The following HGS variants were observed in gnomAD, a reference collection of about 807,000 sequenced individuals.
The protein encoded by HGS is human growth factor-regulated tyrosine kinase substrate.
HGS carries 63 observed loss-of-function variants against 109.7 expected under a neutral mutation model. The ratio of observed to expected loss-of-function variants is 0.57; its 90% CI spans 0.47 to 0.71. The LOEUF is 0.71. HGS is among the 30% of genes least tolerant of loss of function. The probability of loss-of-function intolerance (pLI) is 0.00; values close to 1 mark genes in which losing one functional copy is unlikely to be tolerated. For missense variants in HGS, 995 were observed against 1,068.3 expected (o/e 0.93, Z 0.96); for synonymous variants, 546 against 437.3 (o/e 1.25, Z -3.10).
Position 81,696,818 on chromosome 17 carries a change from C to A in HGS, c.1708-6C>A, listed in dbSNP as rs1443842797. The A allele has an allele frequency of 6.2e-7, 1 of 1,606,224 alleles. No homozygotes were observed. Among genetic ancestry groups the A allele is most frequent in the South Asian group, 1.1e-5 (1 of 90,716 alleles). On this transcript the variant is annotated splice_region_variant and splice_polypyrimidine_tract_variant and intron_variant, in intron 17 of 21. Transcript: ENST00000329138. ...CAACTCTCACCGCTGTCTCTTTTGT[C>A]CCCAGCTCCAGGCCATGCCCGCAGC...
Position 81,701,837 on chromosome 17 carries a change from G to T in HGS, c.*219G>T. On this transcript the variant is annotated 3_prime_UTR_variant, in exon 22 of 22. Transcript: ENST00000329138. ...TTCTTTCCCCAGGGCTGGGCCATGG[G>T]GAGGGAAGGACTTTCTCCCAGGGGA... 1 of 619,012 alleles carries T rather than the reference G, an allele frequency of 1.6e-6. No homozygotes were observed. The highest frequency in any genetic ancestry group is 2.5e-6 in the Non-Finnish European group (1 of 395,054). 38.3% of individuals were successfully genotyped at this position (619,012 alleles called of 1,614,324 possible).
chr17:81,695,330 C>A, intron 14 of HGS, 107 bp downstream of exon 14: 1 of 1,237,894 alleles, frequency 8.1e-7, no homozygotes, highest in Non-Finnish European at 1.2e-6. Flanking sequence ...CGTGCTAGAG[C>A]AAGGGTGTCT....
intron 1 of HGS, 30 bp from the exon 2 acceptor site, chr17:81,685,575 C>T (rs759328583): frequency 2.2e-5 from 35 of 1,568,040 alleles, no homozygotes; most frequent in South Asian, 4.6e-5. Context: ...GCAGGATAAC[C>T]CCTCCCTTTC....
At chr17:81,694,062 A>T in intron 11 of HGS, 97 bp downstream of exon 11, 2 of 1,077,440 alleles carry the variant, frequency 1.9e-6, no homozygotes, top group Non-Finnish European at 2.6e-6. Flanking sequence ...TTGGTGGGGG[A>T]TGCGGGTCCC....
At chr17:81,686,570 G>A (rs2036982880) in intron 3 of HGS, among the ~76,000 whole-genome samples, 183 bp downstream of exon 3, 1 of 152,196 alleles carries the variant, frequency 6.6e-6, no homozygotes, top group Admixed American at 6.5e-5. Flanking sequence ...TCACGCTGAG[G>A]GAGAGACAGG....
rs541616985 is a variant in HGS at position 81,695,016 on chromosome 17, G to C, written c.1068G>C (p.Glu356Asp). The part of the protein sequence containing the change: ...PTPSAPVPLT[E>D]PAAQPGEGHA... ...CATCTGCGCCCGTGCCCCTGACGGAGCCGGCTGCACAGCCTGGGGAAGGGC... is the reference window on the plus strand; with the variant it reads ...CATCTGCGCCCGTGCCCCTGACGGACCCGGCTGCACAGCCTGGGGAAGGGC... Residue 356 changes from glutamate to aspartate, a missense_variant, in exon 13 of 22, where the codon GAG becomes GAC. Transcript: ENST00000329138. 2 of 1,614,072 alleles carry C rather than the reference G, an allele frequency of 1.2e-6. No individual in the cohort carries two copies. The highest frequency in any genetic ancestry group is 2.7e-5 in the African/African-American group (2 of 75,064).
At chr17:81,692,546 C>G (rs575841130) in intron 8 of HGS, 1 of 152,254 alleles carries the variant, frequency 6.6e-6, no homozygotes, top group African/African-American at 2.4e-5. Flanking sequence ...CAGCCACTGC[C>G]CACAAGCGTG....
chr17:81,691,901 C>T lies in HGS; in HGVS notation c.662+330C>T. On this transcript the variant is annotated intron_variant, in intron 8 of 21. Coordinates refer to ENST00000329138, the MANE Select transcript of HGS (RefSeq NM_004712.5). This position sits in a 1 kb window ranked among gnomAD's most constrained non-coding sequence, Gnocchi z 5.3. ...AAGTTGCAAGAGTAGCACAGAGAAG[C>T]TGCGGGGCCGCGGCCAGTGCCTCAG... is the stretch of plus-strand genomic sequence containing the variant. 1 of 222,608 alleles carries T rather than the reference C, an allele frequency of 4.5e-6. No homozygotes were observed. 13.8% of individuals were successfully genotyped at this position (222,608 alleles called of 1,614,324 possible).
At chr17:81,688,916 A>T in intron 5 of HGS, 89 bp downstream of exon 5, 1 of 1,539,270 alleles carries the variant, frequency 6.5e-7, no homozygotes, top group Non-Finnish European at 8.9e-7. Context: ...GGGCCTGGGA[A>T]GATGGGTTGT....
chr17:81,686,236 T>G (rs60761605), intron 2 of HGS, 76 bp from the exon 3 acceptor site: 1 of 1,247,534 alleles, frequency 8.0e-7, no homozygotes, highest in Non-Finnish European at 1.2e-6. Context: ...TGGCAGCAGA[T>G]GAGCTTTTCT....
Position 81,696,453 on chromosome 17 carries a change from G to T in HGS, c.1490G>T (p.Arg497Leu). ...LREEHREKLR[R>L]AAEEAERQRQ... ...GAAGAGCACCGGGAGAAGCTTCGCC[G>T]GGCAGCCGAGGAGGCAGAGCGCCAG... The change falls in exon 16 of 22, where the codon CGG becomes CTG. Residue 497 changes from arginine (R) to leucine (L), a missense_variant. Arg to Leu is a moderately radical substitution (Grantham distance 102, BLOSUM62 -2). Around this residue, in one of 6 missense-constraint regions of HGS, gnomAD observed 163 missense variants for 217.8 expected, o/e 0.75. Transcript: ENST00000329138. The T allele has an allele frequency of 1.3e-6, 2 of 1,543,452 alleles. No homozygotes were observed. Among genetic ancestry groups the T allele is most frequent in the Admixed American group, 2.1e-5 (1 of 48,332 alleles).
Position 81,701,742 on chromosome 17 carries a change from G to T in HGS, c.*124G>T, listed in dbSNP as rs1403585904. ...GGTAGTGTCCCTTCTCTGCGAGTGA[G>T]GGGGGGCCTTCACCCCAAGCCCACC... On this transcript the variant is annotated 3_prime_UTR_variant, in exon 22 of 22. Transcript: ENST00000329138. 13 of 1,359,784 alleles carry T rather than the reference G, an allele frequency of 9.6e-6. No individual in the cohort carries two copies. The highest frequency in any genetic ancestry group is 1.5e-5 in the South Asian group (1 of 66,092). 84.2% of individuals were successfully genotyped at this position (1,359,784 alleles called of 1,614,324 possible). A position where few individuals can be genotyped will look rare whatever the true frequency, so the allele number is the denominator to read the frequency against.
chr17:81,696,072 TC>T, intron 15 of HGS, 73 bp downstream of exon 15: 1 of 1,323,896 alleles, frequency 7.6e-7, no homozygotes, highest in Non-Finnish European at 1.0e-6. Context: ...GGCCAGGGCC[TC>T]CCCTGAGGGT....
Position 81,695,183 on chromosome 17 carries a change from A to C in HGS, c.1139A>C (p.Asp380Ala), listed in dbSNP as rs1266685159. Reference sequence around the variant, plus strand: ...TTCCAGAACCCCCTCCCGGAGACAGACTCTCAGCCCATTCCTCCCTCTGGT... The same window carrying C: ...TTCCAGAACCCCCTCCCGGAGACAGCCTCTCAGCCCATTCCTCCCTCTGGT... ...NVVENPLPET[D>A]SQPIPPSGGP... is the part of the protein sequence containing the mutation. The change falls in exon 14 of 22, where the codon GAC becomes GCC. Residue 380 changes from aspartate to alanine, a missense_variant. Around this residue, in one of 6 missense-constraint regions of HGS, gnomAD observed 300 missense variants for 235.4 expected, o/e 1.27. Coordinates refer to ENST00000329138, the MANE Select transcript of HGS (RefSeq NM_004712.5). 1.9e-6 allele frequency: 3 copies of C among 1,613,888 alleles called. No homozygotes were observed. The East Asian group carries it at 6.7e-5, about 36-fold the overall frequency.
rs559681111 is a variant in HGS, at chr17:81,694,287, C to T, written c.936+322C>T. On this transcript the variant is annotated intron_variant, in intron 11 of 21. Coordinates refer to ENST00000329138, the MANE Select transcript of HGS (RefSeq NM_004712.5). ...AAGGACTTGCTTTCTGGGGCATCCACGTCACCTCTCCCTGGCCTCAGCCCC... is the reference window on the plus strand; with the variant it reads ...AAGGACTTGCTTTCTGGGGCATCCATGTCACCTCTCCCTGGCCTCAGCCCC... Among the ~76,000 whole-genome samples the T allele has an allele frequency of 1.4e-3, 219 of 152,346 alleles. 1 individual carries two copies. The highest frequency in any genetic ancestry group is 4.3e-3 in the African/African-American group (179 of 41,588).
intron 4 of HGS, among the ~76,000 whole-genome samples, chr17:81,687,903 C>G (rs1433187908): frequency 6.6e-6 from 1 of 152,218 alleles, no homozygotes; most frequent in Non-Finnish European, 1.5e-5. Flanking sequence ...TGGCTGGCTT[C>G]CTGTCCCGTC....
chr17:81,686,688 C>T (rs188472593), intron 3 of HGS, among the ~76,000 whole-genome samples: 21 of 152,350 alleles, frequency 1.4e-4, no homozygotes, highest in East Asian at 1.3e-3. Context: ...CGTCACGGAG[C>T]GGTGCTGTGC....
chr17:81,696,829 G>A lies in HGS; in HGVS notation c.1713G>A (p.Gln571=). Residue 571 remains glutamine, a synonymous_variant, in exon 18 of 22, where the codon CAG becomes CAA. Transcript: ENST00000329138. ...GCTGTCTCTTTTGTCCCCAGCTCCA[G>A]GCCATGCCCGCAGCCGGAGGTGTGC... ...PAFPLPYAQL[Q]AMPAAGGVLY... The A allele has an allele frequency of 1.9e-6, 3 of 1,609,450 alleles. No homozygotes were observed. The highest frequency in any genetic ancestry group is 2.5e-6 in the Non-Finnish European group (3 of 1,178,086).
intron 11 of HGS, among the ~76,000 whole-genome samples, chr17:81,694,368 A>G (rs2037112082): frequency 6.6e-6 from 1 of 152,238 alleles, no homozygotes; most frequent in South Asian, 2.1e-4. Flanking sequence ...GGTCGGGGAC[A>G]GCAGGTTGAG....
Sources: gnomAD v4.1 joint callset for allele counts (sites outside exome capture counted in the v4.1 genomes callset) on GRCh38, gnomAD v4.1.1 for gene constraint, gnomAD v4.1.1 regional missense constraint, Gnocchi (gnomAD v3.1) non-coding constraint, MANE v1.5 for transcripts, NCBI Gene and HGNC (gene_info 2026-07-23, HGNC 2026-07-21) for gene names.